Variants in CIB4 observed in about 807,000 individuals in gnomAD.
The protein encoded by CIB4 is calcium and integrin binding family member 4, also known as calcium and integrin-binding family member 4.
In CIB4, 25 loss-of-function variants were observed where a neutral mutation model predicts 25.8. The ratio of observed to expected loss-of-function variants is 0.97; its 90% CI spans 0.71 to 1.35. The LOEUF (loss-of-function observed/expected upper bound fraction) is 1.35, where lower values mean the gene tolerates loss of function less well. CIB4 is among the 40% of genes most tolerant of loss of function. The pLI is 0.00. For missense variants in CIB4, 235 were observed against 228.2 expected (o/e 1.03, Z -0.19); for synonymous variants, 75 against 81.4 (o/e 0.92, Z 0.42).
chr2:26,638,519 G>C (rs1669575604), intron 2 of CIB4, among the ~76,000 whole-genome samples: 1 of 152,184 alleles, frequency 6.6e-6, no homozygotes, highest in Admixed American at 6.5e-5. Flanking sequence ...TGGCATATAG[G>C]AGGAACCCCA....
intron 3 of CIB4, among the ~76,000 whole-genome samples, chr2:26,624,669 T>G (rs1016496970): frequency 2.1e-5 from 3 of 140,654 alleles, no homozygotes; most frequent in Admixed American, 1.6e-4. Flanking sequence ...GCATCTCTAG[T>G]CCTGCCTCAA....
chr2:26,600,995 A>T (rs1432574340), intron 3 of CIB4, among the ~76,000 whole-genome samples: 1 of 151,922 alleles, frequency 6.6e-6, no homozygotes, highest in African/African-American at 2.4e-5. Context: ...CTAAAGGGTG[A>T]GGATTGCTTC....
Position 26,640,517 on chromosome 2 carries a change from CG to C in CIB4, c.89+15del. 6.2e-7 allele frequency: 1 copy of C among 1,612,310 alleles called. No individual in the cohort carries two copies. The highest frequency in any genetic ancestry group is 8.5e-7 in the Non-Finnish European group (1 of 1,179,084). ...AGGAGCTGGGAGAAGGAAAGAGGGG[CG>C]GGGCTTCTACTCACCACAGAATTTC... is the stretch of plus-strand genomic sequence containing the variant. On this transcript the variant is annotated intron_variant, in intron 2 of 6. Transcript: ENST00000288861.
chr2:26,588,988 TTC>T (rs1491449058), intron 4 of CIB4, among the ~76,000 whole-genome samples: 10,983 of 39,542 alleles, frequency 0.28, 1,779 homozygotes, highest in Admixed American at 0.37. Context: ...TTTCTTCTTC[TTC>T]TTCTTCTTCT....
Position 26,629,537 on chromosome 2 carries a change from C to T in CIB4, c.90-31G>A, listed in dbSNP as rs376113098. On this transcript the variant is annotated intron_variant, in intron 2 of 6. Transcript: ENST00000288861. Reference sequence around the variant, plus strand: ...AAGAGAGGCATGAAGACCGTGTGGCCGGGGAAAGGAGGCCAGCACTGTGTG... The same window carrying T: ...AAGAGAGGCATGAAGACCGTGTGGCTGGGGAAAGGAGGCCAGCACTGTGTG... 1.7e-5 allele frequency: 25 copies of T among 1,466,620 alleles called. No individual in the cohort carries two copies. The African/African-American group carries it at 1.8e-4, about 11-fold the overall frequency. The allele number at this position is 1,466,620 out of a possible 1,614,324, so 90.9% of individuals were successfully genotyped here.
At position 26,598,438 on chromosome 2, in the gene CIB4, C is replaced by T. The variant is rs190882749; in HGVS notation, c.187-3121G>A. Among the ~76,000 whole-genome samples, 44 of 152,200 alleles carry T rather than the reference C, an allele frequency of 2.9e-4. No individual in the cohort carries two copies. The East Asian group carries it at 4.8e-3, about 17-fold the overall frequency. On this transcript the variant is annotated intron_variant, in intron 3 of 6. Coordinates refer to ENST00000288861, the MANE Select transcript of CIB4 (RefSeq NM_001029881.3). The stretch of plus-strand genomic sequence containing the variant: ...AAGTGAGAGGCACGGGAGGGGGCCA[C>T]GGGACCAGAGGCTGCAGAAGAGAGA...
At chr2:26,613,609 G>A (rs1369889328) in intron 3 of CIB4, among the ~76,000 whole-genome samples, 2 of 152,210 alleles carry the variant, frequency 1.3e-5, no homozygotes, top group Non-Finnish European at 1.5e-5. Context: ...AGGCAGGGCT[G>A]CTATCATTGG....
intron 3 of CIB4, chr2:26,605,462 T>G (rs1190301738): frequency 2.1e-6 from 1 of 469,834 alleles, no homozygotes; most frequent in Non-Finnish European, 4.4e-6. Flanking sequence ...CCACCCACGG[T>G]GACTTGGACG....
chr2:26,590,453 C>T (rs1432694908), intron 4 of CIB4, among the ~76,000 whole-genome samples: 1 of 152,118 alleles, frequency 6.6e-6, no homozygotes, highest in Non-Finnish European at 1.5e-5. Flanking sequence ...AGTGCTGATA[C>T]TGCTGCTCTG....
chr2:26,640,127 G>C (rs1335747634), intron 2 of CIB4, among the ~76,000 whole-genome samples: 3 of 152,090 alleles, frequency 2.0e-5, no homozygotes, highest in Non-Finnish European at 1.5e-5. Flanking sequence ...GAGGGAGGGA[G>C]GTGGAGAGGG....
At chr2:26,590,258 TAAAAAA>T (rs869097756) in intron 4 of CIB4, among the ~76,000 whole-genome samples, 4 of 61,830 alleles carry the variant, frequency 6.5e-5, no homozygotes, top group African/African-American at 1.5e-4. Flanking sequence ...CAAGCATCTG[TAAAAAA>T]AAAAAAAAAA....
chr2:26,640,634 G>T, intron 1 of CIB4, 67 bp from the exon 2 acceptor site: 1 of 1,511,486 alleles, frequency 6.6e-7, no homozygotes, highest in Non-Finnish European at 9.1e-7. Flanking sequence ...CTGGGGAGTG[G>T]CGCAATTCAG....
chr2:26,601,326 T>C (rs1474918581), intron 3 of CIB4, among the ~76,000 whole-genome samples: 1 of 149,132 alleles, frequency 6.7e-6, no homozygotes, highest in African/African-American at 2.5e-5. Flanking sequence ...GATAGACAAA[T>C]AGATCAATGG....
At chr2:26,586,871 A>G (rs1185979628) in intron 4 of CIB4, among the ~76,000 whole-genome samples, 1 of 152,226 alleles carries the variant, frequency 6.6e-6, no homozygotes, top group Non-Finnish European at 1.5e-5. Flanking sequence ...GAAGAGGCAC[A>G]GACAACTTCT....
chr2:26,581,411 G>A lies in CIB4; in HGVS notation c.528-18C>T, dbSNP rs201171135. ...GAAAGGAGCTGAAAGAAAGAATCCC[G>A]TGAGCCATGTGAGCCCGCAGGTCCA... On this transcript the variant is annotated intron_variant, in intron 6 of 6. Coordinates refer to ENST00000288861, the MANE Select transcript of CIB4 (RefSeq NM_001029881.3). The A allele has an allele frequency of 1.8e-5, 29 of 1,613,308 alleles. No homozygotes were observed. The highest frequency in any genetic ancestry group is 1.4e-4 in the South Asian group (13 of 90,982).
chr2:26,606,265 G>T (rs1291187075), intron 3 of CIB4, among the ~76,000 whole-genome samples: 1 of 152,252 alleles, frequency 6.6e-6, no homozygotes, highest in Non-Finnish European at 1.5e-5. Flanking sequence ...ACCAGACAGC[G>T]TGGGGAAGTA....
Position 26,627,439 on chromosome 2 carries a change from G to A in CIB4, c.186+1971C>T, listed in dbSNP as rs1669330912. ...TCCAGTCGTAGCATTCAGAGAGTCT[G>A]GGACTGACCAGTGACCCTGCACCCA... On this transcript the variant is annotated intron_variant, in intron 3 of 6. Transcript: ENST00000288861. The surrounding 1 kb of genome is among the most constrained non-coding windows in gnomAD (Gnocchi z 4.0). 6.6e-6 allele frequency among the ~76,000 whole-genome samples: 1 copy of A among 152,190 alleles called. No individual in the cohort carries two copies. Among genetic ancestry groups the A allele is most frequent in the South Asian group, 2.1e-4 (1 of 4,824 alleles).
chr2:26,623,646 C>A, intron 3 of CIB4: 1 of 449,292 alleles, frequency 2.2e-6, no homozygotes, highest in Non-Finnish European at 4.7e-6. Context: ...CCTCTCTGCT[C>A]TGTAACAGAT....
intron 3 of CIB4, among the ~76,000 whole-genome samples, chr2:26,618,912 G>A (rs1474349222): frequency 1.3e-5 from 2 of 152,206 alleles, no homozygotes; most frequent in Non-Finnish European, 2.9e-5. Flanking sequence ...CTTACTGGTA[G>A]CCTGGGTGAG....
Sources: allele counts gnomAD v4.1 joint callset (sites outside exome capture counted in the v4.1 genomes callset), GRCh38; gene constraint gnomAD v4.1.1; non-coding constraint Gnocchi (gnomAD v3.1); transcripts MANE v1.5; gene names NCBI Gene and HGNC (gene_info 2026-07-23, HGNC 2026-07-21).